SCMH1: variants seen among roughly 807,000 people sequenced by gnomAD.
The protein encoded by SCMH1 is polycomb protein SCMH1.
Under a neutral mutation model 70.8 loss-of-function variants are expected in SCMH1, and 37 were observed. The observed-to-expected ratio is 0.52, with a 90% CI of 0.40 to 0.69. The LOEUF (loss-of-function observed/expected upper bound fraction) is 0.69, where lower values mean the gene tolerates loss of function less well. SCMH1 is among the 30% of genes least tolerant of loss of function. The pLI, the probability that SCMH1 is intolerant of heterozygous loss-of-function variation, is 0.00. For synonymous variants in SCMH1, 292 were observed against 307.4 expected (o/e 0.95, Z 0.52); for missense variants, 607 against 827.3 (o/e 0.73, Z 3.27).
In SCMH1 at chr1:41,048,894, TG is replaced by T; in HGVS notation, c.1106-5del. The T allele has an allele frequency of 6.2e-7, 1 of 1,605,954 alleles. No individual in the cohort carries two copies. The highest frequency in any genetic ancestry group is 1.1e-5 in the South Asian group (1 of 90,166). Reference sequence around the variant, plus strand: ...TTCTTGTTCAAGTAGATACAAACTATGGGAGACAAAGAATCAAAGAAGCTTC... The same window carrying T: ...TTCTTGTTCAAGTAGATACAAACTATGGAGACAAAGAATCAAAGAAGCTTC... On this transcript the variant is annotated splice_polypyrimidine_tract_variant and splice_region_variant and intron_variant, in intron 10 of 14. Transcript: ENST00000337495.
intron 1 of SCMH1, among the ~76,000 whole-genome samples, chr1:41,201,047 C>G (rs1039477106): frequency 1.3e-5 from 2 of 152,078 alleles, no homozygotes; most frequent in African/African-American, 4.8e-5. Flanking sequence ...GGTTAGAATC[C>G]TATATAGAAA....
At chr1:41,078,656 A>G (rs1659086981) in intron 8 of SCMH1, among the ~76,000 whole-genome samples, 1 of 152,226 alleles carries the variant, frequency 6.6e-6, no homozygotes, top group African/African-American at 2.4e-5. Flanking sequence ...TAAAAGAAAC[A>G]GACTACCAAA....
chr1:41,107,809 C>T (rs960210717), intron 8 of SCMH1, among the ~76,000 whole-genome samples: 1 of 152,190 alleles, frequency 6.6e-6, no homozygotes, highest in Non-Finnish European at 1.5e-5. Context: ...TGAGCCACTG[C>T]GCCTAGCCTA....
At chr1:41,144,471 G>C (rs1175087526) in intron 5 of SCMH1, among the ~76,000 whole-genome samples, 1 of 152,088 alleles carries the variant, frequency 6.6e-6, no homozygotes, top group Non-Finnish European at 1.5e-5. Flanking sequence ...ATATTCCATT[G>C]TATGGATATA....
intron 6 of SCMH1, among the ~76,000 whole-genome samples, chr1:41,131,073 T>C (rs566146728): frequency 6.6e-6 from 1 of 152,346 alleles, no homozygotes; most frequent in Admixed American, 6.5e-5. Flanking sequence ...GAAATTAATT[T>C]TTGTATATGG....
intron 6 of SCMH1, among the ~76,000 whole-genome samples, chr1:41,135,771 T>G (rs1643206917): frequency 6.6e-6 from 1 of 152,136 alleles, no homozygotes; most frequent in African/African-American, 2.4e-5. Flanking sequence ...TCATGCTGAA[T>G]AGAACAGATA....
At chr1:41,180,367 C>A (rs1049366099) in intron 2 of SCMH1, among the ~76,000 whole-genome samples, 1 of 152,040 alleles carries the variant, frequency 6.6e-6, no homozygotes, top group African/African-American at 2.4e-5. Context: ...CTGGCCAGGG[C>A]AATCAGACAG....
At chr1:41,079,477 C>G (rs189901725) in intron 8 of SCMH1, among the ~76,000 whole-genome samples, 10 of 151,930 alleles carry the variant, frequency 6.6e-5, no homozygotes, top group Admixed American at 1.3e-4. Flanking sequence ...AAACACTAAC[C>G]AAAAGAAAAC....
chr1:41,182,759 T>C (rs1649168493), intron 2 of SCMH1, among the ~76,000 whole-genome samples: 1 of 151,906 alleles, frequency 6.6e-6, no homozygotes, highest in Non-Finnish European at 1.5e-5. Flanking sequence ...AAGGAACTTC[T>C]AGGAAGAAAT....
intron 4 of SCMH1, among the ~76,000 whole-genome samples, chr1:41,153,662 G>A (rs2148352999): frequency 6.6e-6 from 1 of 152,320 alleles, no homozygotes; most frequent in East Asian, 1.9e-4. Context: ...TCTGTTTAAA[G>A]TAGTTCACCC....
rs188267607 is a variant in SCMH1 at position 41,199,570 on chromosome 1, C to T, written c.-117-13320G>A. On this transcript the variant is annotated intron_variant, in intron 1 of 14. Transcript: ENST00000337495. ...TGAACTTTGGAAGTTAAGGTTAAGG[C>T]ACCCATGGTCACTCAACTTCTAAAT... Among the ~76,000 whole-genome samples, 44 of 152,220 alleles carry T rather than the reference C, an allele frequency of 2.9e-4. No homozygotes were observed. The East Asian group carries it at 6.9e-3, about 24-fold the overall frequency.
chr1:41,159,739 T>C lies in SCMH1; in HGVS notation c.106+1136A>G, dbSNP rs1282811135. ...GGCACCTTTACCTGCATTATTTCAT[T>C]TCATTCATTTCTTCAGCTCACATTC... On this transcript the variant is annotated intron_variant, in intron 4 of 14. Transcript: ENST00000337495. 6 of 1,533,564 alleles carry C rather than the reference T, an allele frequency of 3.9e-6. No individual in the cohort carries two copies. In the South Asian group the frequency reaches 7.5e-5, roughly 19 times the overall value. 95.0% of individuals were successfully genotyped at this position (1,533,564 alleles called of 1,614,324 possible).
At position 41,113,579 on chromosome 1, in the gene SCMH1, C is replaced by T; in HGVS notation, c.502-53G>A. On this transcript the variant is annotated intron_variant, in intron 7 of 14. Coordinates refer to ENST00000337495, the Ensembl canonical transcript of SCMH1. This position sits in a 1 kb window ranked among gnomAD's most constrained non-coding sequence, Gnocchi z 4.3. ...CTAGACACAAAGAGAGGCCATTATGCCAATAGACTACTATCTAATTTGGAT... is the reference window on the plus strand; with the variant it reads ...CTAGACACAAAGAGAGGCCATTATGTCAATAGACTACTATCTAATTTGGAT... The T allele has an allele frequency of 6.4e-7, 1 of 1,553,000 alleles. No individual in the cohort carries two copies. Among genetic ancestry groups the T allele is most frequent in the South Asian group, 1.2e-5 (1 of 80,048 alleles).
chr1:41,165,558 C>A (rs1463762379), intron 2 of SCMH1, among the ~76,000 whole-genome samples: 1 of 152,008 alleles, frequency 6.6e-6, no homozygotes, highest in Non-Finnish European at 1.5e-5. Context: ...TATCTTTCAT[C>A]TTTTTGATAA....
intron 1 of SCMH1, among the ~76,000 whole-genome samples, chr1:41,207,559 CAA>C (rs1655859964): frequency 6.6e-6 from 1 of 152,158 alleles, no homozygotes; most frequent in Non-Finnish European, 1.5e-5. Context: ...TAGAGACCTG[CAA>C]AGAGACTTAG....
chr1:41,195,131 CAAAAAAAAAAAAAAA>C (rs35569635), intron 1 of SCMH1, among the ~76,000 whole-genome samples: 4 of 26,244 alleles, frequency 1.5e-4, no homozygotes, highest in African/African-American at 1.5e-4. Flanking sequence ...AACTCTCTCT[CAAAAAAAAAAAAAAA>C]AAAAAAAAAA....
intron 2 of SCMH1, among the ~76,000 whole-genome samples, chr1:41,164,809 A>G (rs909998606): frequency 3.3e-5 from 5 of 152,124 alleles, no homozygotes; most frequent in African/African-American, 1.2e-4. Flanking sequence ...GTTTCAATAT[A>G]CGTACACATT....
At chr1:41,204,737 T>C (rs1246561937) in intron 1 of SCMH1, among the ~76,000 whole-genome samples, 3 of 152,220 alleles carry the variant, frequency 2.0e-5, no homozygotes, top group Non-Finnish European at 4.4e-5. Context: ...ATTCTCCACA[T>C]AGCAGTTAGC....
intron 7 of SCMH1, among the ~76,000 whole-genome samples, chr1:41,114,892 G>C (rs1170032444): frequency 6.6e-6 from 1 of 151,856 alleles, no homozygotes; most frequent in Non-Finnish European, 1.5e-5. Flanking sequence ...TGCCCAAGCT[G>C]GTCTCGAACT....
Sources: gnomAD v4.1 joint callset for allele counts (sites outside exome capture counted in the v4.1 genomes callset) on GRCh38, gnomAD v4.1.1 for gene constraint, Gnocchi (gnomAD v3.1) non-coding constraint, MANE v1.5 for transcripts, NCBI Gene and HGNC (gene_info 2026-07-23, HGNC 2026-07-21) for gene names.